Variants in OSBPL10 observed in about 807,000 individuals in gnomAD.
The protein encoded by OSBPL10 is oxysterol-binding protein-related protein 10.
OSBPL10 carries 49 observed loss-of-function variants against 81.7 expected under a neutral mutation model. The observed-to-expected ratio is 0.60, with a 90% confidence interval of 0.48 to 0.76. OSBPL10 has a LOEUF of 0.76. Among genes scored for constraint, OSBPL10 ranks in the 30% least tolerant of loss-of-function variants. OSBPL10 has a pLI of 0.00. For missense variants in OSBPL10, 923 were observed against 987.8 expected (o/e 0.93, Z 0.88); for synonymous variants, 419 against 383.6 (o/e 1.09, Z -1.08).
chr3:31,981,636 G>A (rs1698847063), upstream of OSBPL10: 1 of 158,124 alleles, frequency 6.3e-6, no homozygotes, highest in Non-Finnish European at 1.4e-5. The surrounding 1 kb of genome is among the most constrained non-coding windows in gnomAD (Gnocchi z 4.5). Flanking sequence ...GGGCGAAAGG[G>A]AATCTCTGCA....
chr3:32,076,285 G>A (rs573009310), intron 1 of OSBPL10, among the ~76,000 whole-genome samples: 6 of 151,968 alleles, frequency 3.9e-5, no homozygotes, highest in East Asian at 3.9e-4. Flanking sequence ...AGAGAATGGC[G>A]TGAACCCAGG....
rs555659038 is a variant in OSBPL10, at chr3:32,060,486, C to A, written n.186-13883G>T. ...AAAAATGGTTGATTTTACTGTTTAT[C>A]CAAACTTCACCCACTGCTTTCCACT... On this transcript the variant is annotated intron_variant and non_coding_transcript_variant, in intron 1 of 3. Transcript: ENST00000479173. Among the ~76,000 whole-genome samples the A allele has an allele frequency of 2.0e-5, 3 of 152,300 alleles. No homozygotes were observed. In the South Asian group the frequency reaches 6.2e-4, roughly 32 times the overall value.
chr3:31,819,890 T>C (rs930956160), intron 4 of OSBPL10, among the ~76,000 whole-genome samples: 1 of 152,072 alleles, frequency 6.6e-6, no homozygotes, highest in African/African-American at 2.4e-5. Context: ...GTCTAAAGAG[T>C]AGAGCCAAGG....
intron 10 of OSBPL10, among the ~76,000 whole-genome samples, chr3:31,666,682 C>T (rs570892267): frequency 6.6e-6 from 1 of 152,292 alleles, no homozygotes; most frequent in African/African-American, 2.4e-5. Flanking sequence ...CCCAAAGCCA[C>T]AGATAGTACC....
rs540014802 is a variant in OSBPL10 at position 31,812,221 on chromosome 3, G to A, written c.729+17819C>T. ...TAATTTTTGTACTTTTAGTAGTGAC[G>A]GGATTTTGCATTGTTGACCAGGCTG... On this transcript the variant is annotated intron_variant, in intron 4 of 11. Coordinates refer to ENST00000396556, the MANE Select transcript of OSBPL10 (RefSeq NM_017784.5). Among the ~76,000 whole-genome samples the A allele has an allele frequency of 3.7e-4, 57 of 152,136 alleles. 1 individual carries two copies. The highest frequency in any genetic ancestry group is 4.6e-4 in the Non-Finnish European group (31 of 67,994).
chr3:31,909,982 CTTTTTT>C (rs563373548), intron 1 of OSBPL10, among the ~76,000 whole-genome samples: 1 of 129,286 alleles, frequency 7.7e-6, no homozygotes, highest in Non-Finnish European at 1.6e-5. Context: ...GTCTCCTGGC[CTTTTTT>C]TTTTTTTTTT....
chr3:31,664,360 A>G (rs1170771640), intron 10 of OSBPL10, 128 bp from the exon 11 acceptor site: 11 of 875,168 alleles, frequency 1.3e-5, no homozygotes, highest in Non-Finnish European at 1.9e-5. Flanking sequence ...AGCTCATCCC[A>G]GATACCTCAA....
At chr3:32,000,527 T>A (rs1401012741) in intron 2 of OSBPL10, among the ~76,000 whole-genome samples, 1 of 152,190 alleles carries the variant, frequency 6.6e-6, no homozygotes, top group African/African-American at 2.4e-5. Flanking sequence ...TAAAGGATAA[T>A]CAATGCATCT....
upstream of OSBPL10, among the ~76,000 whole-genome samples, chr3:31,983,252 A>T (rs1045653068): frequency 6.6e-6 from 1 of 152,232 alleles, no homozygotes; most frequent in African/African-American, 2.4e-5. Context: ...AGGTAGGTGC[A>T]TACTGGACTA....
Position 31,747,997 on chromosome 3 carries a change from T to C in OSBPL10, c.853A>G (p.Thr285Ala). ...LLLLKATSAA[T>A]LSCLGECLNL... ...AGGCACTCCCCAAGGCAGCTGAGGG[T>C]GGCAGCAGAGGTAGCTTTCAGGAGC... The change falls in exon 5 of 12, where the codon ACC becomes GCC. Residue 285 changes from threonine (T) to alanine (A), a missense_variant. Thr to Ala is a moderately conservative substitution (Grantham distance 58). Transcript: ENST00000396556. 2 of 1,614,092 alleles carry C rather than the reference T, an allele frequency of 1.2e-6. No individual in the cohort carries two copies. The highest frequency in any genetic ancestry group is 1.7e-6 in the Non-Finnish European group (2 of 1,180,024).
chr3:31,753,722 T>C (rs1187050865), intron 4 of OSBPL10, among the ~76,000 whole-genome samples: 1 of 152,220 alleles, frequency 6.6e-6, no homozygotes, highest in Non-Finnish European at 1.5e-5. Context: ...ATGCCTTGCC[T>C]CAAAATCCTT....
chr3:31,746,843 A>AGG (rs1478160658), intron 5 of OSBPL10, among the ~76,000 whole-genome samples: 2 of 151,112 alleles, frequency 1.3e-5, no homozygotes, highest in Non-Finnish European at 2.9e-5. Flanking sequence ...GGGAGGGAGG[A>AGG]GGGATAGCAT....
At chr3:31,853,921 G>A (rs1559492687) in intron 3 of OSBPL10, among the ~76,000 whole-genome samples, 1 of 152,042 alleles carries the variant, frequency 6.6e-6, no homozygotes, top group Non-Finnish European at 1.5e-5. Context: ...AACGTTTCAG[G>A]GTTTTATCCT....
chr3:31,665,547 C>T (rs1391260511), intron 10 of OSBPL10, among the ~76,000 whole-genome samples: 1 of 152,170 alleles, frequency 6.6e-6, no homozygotes, highest in Non-Finnish European at 1.5e-5. Flanking sequence ...CCAGCAGCAC[C>T]TCCTGGGGGT....
At chr3:31,788,602 GA>G (rs1374791990) in intron 4 of OSBPL10, among the ~76,000 whole-genome samples, 1 of 151,984 alleles carries the variant, frequency 6.6e-6, no homozygotes, top group Non-Finnish European at 1.5e-5. Context: ...GAAGCCAAAA[GA>G]AAAAACTCCC....
chr3:31,855,019 GTTTTGT>G (rs1553633919), intron 3 of OSBPL10, among the ~76,000 whole-genome samples: 5 of 151,910 alleles, frequency 3.3e-5, no homozygotes, highest in Non-Finnish European at 4.4e-5. Context: ...GTTTTGTTTT[GTTTTGT>G]TTTTGTTTTT....
chr3:32,034,433 C>A (rs1451461736), intron 2 of OSBPL10, among the ~76,000 whole-genome samples: 3 of 113,830 alleles, frequency 2.6e-5, no homozygotes, highest in African/African-American at 9.2e-5. Context: ...AGAGCGAGAC[C>A]CTGTAGCGGA....
intron 2 of OSBPL10, among the ~76,000 whole-genome samples, chr3:32,024,295 A>G (rs1407891022): frequency 6.6e-6 from 1 of 152,178 alleles, no homozygotes; most frequent in Non-Finnish European, 1.5e-5. Flanking sequence ...AAATCAATTT[A>G]GGGAAAATCA....
At chr3:32,042,150 A>G (rs117384602) in intron 2 of OSBPL10, among the ~76,000 whole-genome samples, 3,668 of 152,284 alleles carry the variant, frequency 0.024, 76 homozygotes, top group East Asian at 0.096. Context: ...TCATACAATA[A>G]TAGCCAGTAT....
Sources: allele counts gnomAD v4.1 joint callset (sites outside exome capture counted in the v4.1 genomes callset), GRCh38; gene constraint gnomAD v4.1.1; non-coding constraint Gnocchi (gnomAD v3.1); transcripts MANE v1.5; gene names NCBI Gene and HGNC (gene_info 2026-07-23, HGNC 2026-07-21).